The following TNKS variants were observed in gnomAD, a reference collection of about 807,000 sequenced individuals.
TNKS encodes tankyrase, also known as poly [ADP-ribose] polymerase tankyrase-1.
A neutral mutation model predicts 135.8 loss-of-function variants in TNKS; 72 were observed. The observed-to-expected ratio is 0.53, with a 90% confidence interval of 0.44 to 0.64. The LOEUF (loss-of-function observed/expected upper bound fraction) is 0.64. TNKS is among the 30% of genes least tolerant of loss of function. The probability of loss-of-function intolerance (pLI) is 0.00; values close to 1 mark genes in which losing one functional copy is unlikely to be tolerated. For synonymous variants in TNKS, 849 were observed against 649.3 expected (o/e 1.31, Z -4.68); for missense variants, 1,769 against 1,674.0 (o/e 1.06, Z -0.99).
intron 3 of TNKS, among the ~76,000 whole-genome samples, chr8:9,665,588 G>A (rs1801947091): frequency 6.6e-6 from 1 of 152,308 alleles, no homozygotes; most frequent in Admixed American, 6.5e-5. Flanking sequence ...AAAGGGATTA[G>A]TAGTGTGTTT....
intron 24 of TNKS, 116 bp downstream of exon 24, chr8:9,765,913 G>C: frequency 7.3e-6 from 6 of 826,352 alleles, no homozygotes; most frequent in Non-Finnish European, 1.1e-5. Flanking sequence ...GGCTTGTTTT[G>C]ATTATTTTGT....
chr8:9,761,712 C>A, intron 21 of TNKS, 76 bp downstream of exon 21: 1 of 1,455,938 alleles, frequency 6.9e-7, no homozygotes, highest in Non-Finnish European at 9.3e-7. Context: ...TAATTGAACT[C>A]AGGCAGTCCA....
intron 5 of TNKS, among the ~76,000 whole-genome samples, chr8:9,693,436 T>G (rs1449723923): frequency 1.3e-5 from 2 of 152,198 alleles, no homozygotes; most frequent in Admixed American, 6.5e-5. Context: ...TGATTACATT[T>G]GGGAAGAGGG....
Position 9,779,609 on chromosome 8 carries a change from C to G in TNKS, c.*2873C>G, listed in dbSNP as rs1808379481. On this transcript the variant is annotated 3_prime_UTR_variant, in exon 27 of 27. Coordinates refer to ENST00000310430, the MANE Select transcript of TNKS (RefSeq NM_003747.3). ...ACCTCCTTCCCTCTTTCCTAAATTACTAGTCTGGAATTAAAATTAGCTCCA... is the reference window on the plus strand; with the variant it reads ...ACCTCCTTCCCTCTTTCCTAAATTAGTAGTCTGGAATTAAAATTAGCTCCA... The G allele has an allele frequency of 3.9e-5, 6 of 152,172 alleles. No homozygotes were observed. The highest frequency in any genetic ancestry group is 4.1e-4 in the South Asian group (2 of 4,824). 9.4% of individuals were successfully genotyped at this position (152,172 alleles called of 1,614,324 possible).
At chr8:9,704,418 G>C (rs957664289) in intron 5 of TNKS, among the ~76,000 whole-genome samples, 13 of 151,974 alleles carry the variant, frequency 8.6e-5, no homozygotes, top group African/African-American at 2.9e-4. Context: ...GAATAGGTAG[G>C]GTAAGGTTTG....
intron 14 of TNKS, among the ~76,000 whole-genome samples, chr8:9,731,977 C>T (rs750675375): frequency 8.6e-5 from 13 of 151,980 alleles, no homozygotes; most frequent in Non-Finnish European, 1.5e-4. Context: ...TTAGGAGAGA[C>T]GGGGTTTCAC....
At chr8:9,740,055 T>TAAAAAAAA (rs58285747) in intron 17 of TNKS, among the ~76,000 whole-genome samples, 14 of 87,440 alleles carry the variant, frequency 1.6e-4, no homozygotes, top group South Asian at 8.6e-4. Context: ...TAGAGTATAA[T>TAAAAAAAA]AAAAAAAAAA....
At chr8:9,748,608 A>G (rs1806363417) in intron 18 of TNKS, among the ~76,000 whole-genome samples, 1 of 152,204 alleles carries the variant, frequency 6.6e-6, no homozygotes, top group Non-Finnish European at 1.5e-5. Context: ...TCTGGGCAGT[A>G]TTATTTAACT....
intron 2 of TNKS, among the ~76,000 whole-genome samples, chr8:9,600,922 G>A (rs533597320): frequency 6.6e-6 from 1 of 152,254 alleles, no homozygotes; most frequent in South Asian, 2.1e-4. Flanking sequence ...TTTCACATTT[G>A]TCTTATCCAT....
chr8:9,663,709 C>A (rs868748384), intron 3 of TNKS, among the ~76,000 whole-genome samples: 3 of 152,108 alleles, frequency 2.0e-5, no homozygotes, highest in African/African-American at 7.2e-5. Flanking sequence ...CTAGTGGTGC[C>A]CACAGAACTC....
chr8:9,699,403 C>T (rs563093323), intron 5 of TNKS, among the ~76,000 whole-genome samples: 1 of 152,184 alleles, frequency 6.6e-6, no homozygotes, highest in South Asian at 2.1e-4. Flanking sequence ...TTTCTTTTTT[C>T]CCAAAGTTTG....
chr8:9,580,333 A>G lies in TNKS; in HGVS notation c.848A>G (p.Tyr283Cys). The change falls in exon 2 of 27, where the codon TAT becomes TGT. Residue 283 changes from tyrosine to cysteine, a missense_variant. Tyr to Cys is a radical substitution (Grantham distance 194). Transcript: ENST00000310430. Reference sequence around the variant, plus strand: ...CCAAATGCCAGGGATAACTGGAACTATACACCTCTGCATGAAGCTGCTATT... The same window carrying G: ...CCAAATGCCAGGGATAACTGGAACTGTACACCTCTGCATGAAGCTGCTATT... ...ADPNARDNWN[Y>C]TPLHEAAIKG... 1 of 1,614,170 alleles carries G rather than the reference A, an allele frequency of 6.2e-7. No homozygotes were observed. The highest frequency in any genetic ancestry group is 8.5e-7 in the Non-Finnish European group (1 of 1,180,036).
rs1355854300 is a variant in TNKS, at chr8:9,669,402, G to A, written c.995-10549G>A. On this transcript the variant is annotated intron_variant, in intron 3 of 26. Coordinates refer to ENST00000310430, the MANE Select transcript of TNKS (RefSeq NM_003747.3). ...CACTGCAGTCCGCAGTCCGGCCTGC[G>A]CGACAGAGCGAGACTCCGCCTCAAA... 6.3e-5 allele frequency among the ~76,000 whole-genome samples: 9 copies of A among 143,258 alleles called. No individual in the cohort carries two copies. The East Asian group carries it at 1.2e-3, about 19-fold the overall frequency. 94.0% of individuals were successfully genotyped at this position (143,258 alleles called of 152,430 possible). A position where few individuals can be genotyped will look rare whatever the true frequency, so the allele number is the denominator to read the frequency against.
intron 2 of TNKS, among the ~76,000 whole-genome samples, chr8:9,589,410 C>G (rs575006399): frequency 6.6e-6 from 1 of 152,258 alleles, no homozygotes; most frequent in East Asian, 1.9e-4. Context: ...AGAAACACAC[C>G]AGTCAGGAAA....
At chr8:9,714,410 T>C (rs1390094022) in intron 11 of TNKS, among the ~76,000 whole-genome samples, 1 of 152,200 alleles carries the variant, frequency 6.6e-6, no homozygotes, top group African/African-American at 2.4e-5. Context: ...GTTTTGGTTA[T>C]TTGTGAATAT....
intron 3 of TNKS, 124 bp from the exon 4 acceptor site, chr8:9,679,827 A>T (rs1802703021): frequency 2.7e-6 from 2 of 730,066 alleles, no homozygotes; most frequent in Admixed American, 4.6e-5. Context: ...CGGCTCCATC[A>T]CCCAGCGGGG....
chr8:9,688,249 T>G (rs944440946), intron 5 of TNKS, among the ~76,000 whole-genome samples: 9 of 152,186 alleles, frequency 5.9e-5, no homozygotes, highest in Admixed American at 2.6e-4. Flanking sequence ...CTACAAAAAG[T>G]TATTTAAGTA....
intron 1 of TNKS, among the ~76,000 whole-genome samples, chr8:9,567,708 C>G (rs1797602474): frequency 6.6e-6 from 1 of 152,326 alleles, no homozygotes; most frequent in South Asian, 2.1e-4. Context: ...TGAGCCACCG[C>G]ACCCTTCCAG....
intron 9 of TNKS, among the ~76,000 whole-genome samples, chr8:9,709,591 G>A (rs940263038): frequency 6.6e-6 from 1 of 152,148 alleles, no homozygotes; most frequent in African/African-American, 2.4e-5. Flanking sequence ...TGACTTGTGT[G>A]GCTGATGGCC....
Sources: allele counts gnomAD v4.1 joint callset (sites outside exome capture counted in the v4.1 genomes callset), GRCh38; gene constraint gnomAD v4.1.1; transcripts MANE v1.5; gene names NCBI Gene and HGNC (gene_info 2026-07-23, HGNC 2026-07-21).